The following DPP10 variants were observed in gnomAD, a reference collection of about 807,000 sequenced individuals.
DPP10 encodes dipeptidyl peptidase like 10.
A neutral mutation model predicts 120.9 loss-of-function variants in DPP10; 33 were observed. The observed-to-expected ratio is 0.27, with a 90% confidence interval of 0.21 to 0.37. The LOEUF is 0.37. Ranked by LOEUF, DPP10 falls within the 10% of genes least tolerant of loss-of-function variation. The probability of loss-of-function intolerance (pLI) is 1.00; values close to 1 mark genes in which losing one functional copy is unlikely to be tolerated. For missense variants in DPP10, 816 were observed against 942.8 expected (o/e 0.87, Z 1.76); for synonymous variants, 337 against 326.1 (o/e 1.03, Z -0.36).
chr2:114,520,506 G>C (rs192121951), intron 1 of DPP10, among the ~76,000 whole-genome samples: 32 of 152,234 alleles, frequency 2.1e-4, no homozygotes, highest in Admixed American at 9.2e-4. Flanking sequence ...TCTTCATTAG[G>C]TAACAGCAAA....
At chr2:115,284,649 T>C (rs1160146946) in intron 1 of DPP10, among the ~76,000 whole-genome samples, 1 of 151,956 alleles carries the variant, frequency 6.6e-6, no homozygotes, top group Non-Finnish European at 1.5e-5. Context: ...AGAATGTTGC[T>C]ATGGAAGAGA....
rs568089856 is a variant in DPP10 at position 115,705,939 on chromosome 2, G to T, written c.576+16018G>T. On this transcript the variant is annotated intron_variant, in intron 7 of 25. Coordinates refer to ENST00000410059, the MANE Select transcript of DPP10 (RefSeq NM_020868.6). ...TATCATTTATTTACTAAATATTTGG[G>T]CCAGAAATAGTAATAAACTGTAAGG... 4.7e-4 allele frequency among the ~76,000 whole-genome samples: 71 copies of T among 151,802 alleles called. 1 individual carries two copies. In the South Asian group the frequency reaches 7.9e-3, roughly 17 times the overall value.
At chr2:115,728,272 C>T (rs1481708198) in intron 8 of DPP10, among the ~76,000 whole-genome samples, 1 of 129,952 alleles carries the variant, frequency 7.7e-6, no homozygotes, top group African/African-American at 2.9e-5. Flanking sequence ...AAAGAAGAAA[C>T]AGAAACCTTT....
At chr2:115,393,310 CAA>C (rs3980955) in intron 3 of DPP10, among the ~76,000 whole-genome samples, 65,965 of 144,388 alleles carry the variant, frequency 0.46, 15,099 homozygotes, top group Middle Eastern at 0.54. Flanking sequence ...AAGACTGTCT[CAA>C]AAAAAAAAAA....
chr2:114,489,415 G>A (rs943285532), intron 1 of DPP10, among the ~76,000 whole-genome samples: 8 of 152,158 alleles, frequency 5.3e-5, no homozygotes, highest in Non-Finnish European at 1.5e-5. Context: ...ATTTGCTGTA[G>A]CCAGGGGCCC....
intron 3 of DPP10, among the ~76,000 whole-genome samples, chr2:115,371,372 ACT>A (rs771379583): frequency 1.1e-4 from 16 of 152,108 alleles, no homozygotes; most frequent in Non-Finnish European, 2.1e-4. Context: ...ATATTTGCAA[ACT>A]CACCTTTTTT....
intron 1 of DPP10, among the ~76,000 whole-genome samples, chr2:114,593,307 A>G (rs1266386206): frequency 6.6e-6 from 1 of 152,190 alleles, no homozygotes; most frequent in Non-Finnish European, 1.5e-5. Flanking sequence ...CGCAATTAAT[A>G]GACTGGGCTT....
chr2:115,510,643 A>G (rs1434591624), intron 4 of DPP10, among the ~76,000 whole-genome samples: 1 of 152,120 alleles, frequency 6.6e-6, no homozygotes, highest in Non-Finnish European at 1.5e-5. Flanking sequence ...TTCCATATGA[A>G]TTTTAAGATC....
At chr2:115,175,193 AGTG>A (rs1457377959) in intron 1 of DPP10, among the ~76,000 whole-genome samples, 3 of 152,206 alleles carry the variant, frequency 2.0e-5, no homozygotes, top group Admixed American at 2.0e-4. Context: ...TGTGACTGTC[AGTG>A]CTCTGAAAAA....
chr2:115,633,999 T>C (rs754164377), intron 5 of DPP10, among the ~76,000 whole-genome samples: 15 of 152,194 alleles, frequency 9.9e-5, no homozygotes, highest in African/African-American at 1.2e-4. Flanking sequence ...TCTTTTTTTT[T>C]CCTAATCTTC....
chr2:115,469,238 T>G (rs1235170184), intron 3 of DPP10, among the ~76,000 whole-genome samples: 1 of 152,222 alleles, frequency 6.6e-6, no homozygotes, highest in African/African-American at 2.4e-5. Flanking sequence ...GTTATGAATT[T>G]AAAGCTATTT....
intron 1 of DPP10, among the ~76,000 whole-genome samples, chr2:114,491,882 T>A (rs1682034989): frequency 6.6e-6 from 1 of 152,202 alleles, no homozygotes; most frequent in African/African-American, 2.4e-5. Flanking sequence ...TGGTGGTGTC[T>A]TTCCCTTTAG....
At chr2:114,741,133 TA>T (rs1207955510) in intron 1 of DPP10, among the ~76,000 whole-genome samples, 1 of 152,202 alleles carries the variant, frequency 6.6e-6, no homozygotes, top group African/African-American at 2.4e-5. Context: ...TCATTGAGCT[TA>T]TAGAAGATTT....
intron 1 of DPP10, among the ~76,000 whole-genome samples, chr2:114,846,582 T>TC (rs1381581359): frequency 6.6e-6 from 1 of 152,056 alleles, no homozygotes; most frequent in Non-Finnish European, 1.5e-5. Context: ...GATTCTGTTT[T>TC]TTTTTTTTCC....
intron 2 of DPP10, among the ~76,000 whole-genome samples, chr2:115,337,363 A>G (rs2063202598): frequency 6.6e-6 from 1 of 152,110 alleles, no homozygotes; most frequent in South Asian, 2.1e-4. Flanking sequence ...GTAAGATTGT[A>G]TATTGTCTTG....
intron 1 of DPP10, among the ~76,000 whole-genome samples, chr2:115,271,099 A>T (rs2059682132): frequency 2.6e-5 from 4 of 152,334 alleles, no homozygotes; most frequent in South Asian, 4.1e-4. Flanking sequence ...TTTGCAGCTT[A>T]AAGGGAATTT....
intron 1 of DPP10, among the ~76,000 whole-genome samples, chr2:114,827,009 C>T (rs1028808034): frequency 6.6e-6 from 1 of 152,044 alleles, no homozygotes; most frequent in African/African-American, 2.4e-5. Flanking sequence ...ACATCTGTCA[C>T]ATGAGGATCT....
chr2:115,819,372 A>G (rs1687582194), intron 21 of DPP10, among the ~76,000 whole-genome samples: 1 of 152,168 alleles, frequency 6.6e-6, no homozygotes, highest in Non-Finnish European at 1.5e-5. Context: ...ATGCTTAATC[A>G]TTTCACTTGT....
chr2:115,713,437 A>G (rs1482798036), intron 7 of DPP10, among the ~76,000 whole-genome samples: 3 of 152,166 alleles, frequency 2.0e-5, no homozygotes, highest in African/African-American at 7.2e-5. Context: ...TGGAAGGTCA[A>G]TTTTTAGTGG....
Sources: allele counts gnomAD v4.1 joint callset (sites outside exome capture counted in the v4.1 genomes callset), GRCh38; gene constraint gnomAD v4.1.1; transcripts MANE v1.5; gene names NCBI Gene and HGNC (gene_info 2026-07-23, HGNC 2026-07-21).